CSNK1G3: variants seen among roughly 807,000 people sequenced by gnomAD.
The protein encoded by CSNK1G3 is casein kinase I isoform gamma-3.
Under a neutral mutation model 64.3 loss-of-function variants are expected in CSNK1G3, and 23 were observed. That is an observed-to-expected ratio of 0.36 (90% CI 0.26 to 0.51). The LOEUF is 0.51. Ranked by LOEUF, CSNK1G3 falls within the 20% of genes least tolerant of loss-of-function variation. The pLI is 0.96. For synonymous variants in CSNK1G3, 158 were observed against 162.2 expected (o/e 0.97, Z 0.20); for missense variants, 357 against 510.5 (o/e 0.70, Z 2.90).
intron 10 of CSNK1G3, among the ~76,000 whole-genome samples, chr5:123,596,844 A>G (rs1422940064): frequency 6.6e-6 from 1 of 152,152 alleles, no homozygotes; most frequent in Non-Finnish European, 1.5e-5. Flanking sequence ...TAACTGACAC[A>G]TGATATGATG....
At chr5:123,519,722 G>A (rs4530754) in intron 1 of CSNK1G3, among the ~76,000 whole-genome samples, 91,684 of 151,994 alleles carry the variant, frequency 0.6, 28,932 homozygotes, top group African/African-American at 0.79. Flanking sequence ...GAGAGCAGCA[G>A]AGTTGGTAAG....
At chr5:123,570,419 T>C (rs1443533034) in intron 4 of CSNK1G3, among the ~76,000 whole-genome samples, 1 of 150,466 alleles carries the variant, frequency 6.6e-6, no homozygotes, top group East Asian at 1.9e-4. Flanking sequence ...AGTGGCGCGA[T>C]CTTGGCTCAC....
chr5:123,607,649 G>A (rs976117606), intron 12 of CSNK1G3, among the ~76,000 whole-genome samples: 1 of 152,036 alleles, frequency 6.6e-6, no homozygotes, highest in Non-Finnish European at 1.5e-5. Context: ...ATTAGATAGT[G>A]GTGATAGCTG....
At chr5:123,575,660 C>CT in intron 5 of CSNK1G3, 69 bp from the exon 6 acceptor site, 1 of 885,144 alleles carries the variant, frequency 1.1e-6, no homozygotes, top group African/African-American at 1.7e-5. Flanking sequence ...TCTGTCTTGC[C>CT]TTTATCATAC....
chr5:123,572,958 A>G (rs1284414201), intron 4 of CSNK1G3, among the ~76,000 whole-genome samples: 2 of 152,230 alleles, frequency 1.3e-5, no homozygotes, highest in East Asian at 3.9e-4. Context: ...TGTATAAGCC[A>G]GAGGATGGGA....
chr5:123,522,918 T>C (rs1488515026), intron 1 of CSNK1G3, among the ~76,000 whole-genome samples: 1 of 152,126 alleles, frequency 6.6e-6, no homozygotes, highest in African/African-American at 2.4e-5. Flanking sequence ...TATGGGGAAA[T>C]TTATCAAATA....
At chr5:123,532,115 G>A (rs761930530) in intron 1 of CSNK1G3, among the ~76,000 whole-genome samples, 3 of 151,708 alleles carry the variant, frequency 2.0e-5, no homozygotes, top group Non-Finnish European at 3.0e-5. Context: ...TAATAGTAAG[G>A]TATTTTTAGC....
chr5:123,528,896 A>G (rs1278371638), intron 1 of CSNK1G3, among the ~76,000 whole-genome samples: 4 of 152,212 alleles, frequency 2.6e-5, no homozygotes, highest in Non-Finnish European at 5.9e-5. Flanking sequence ...ACACGTACAT[A>G]CACAGAGTGG....
At chr5:123,530,086 C>CAAA (rs780395896) in intron 1 of CSNK1G3, among the ~76,000 whole-genome samples, 1 of 127,766 alleles carries the variant, frequency 7.8e-6, no homozygotes. Flanking sequence ...GACCCTGTCT[C>CAAA]AAAAAAAAAA....
intron 1 of CSNK1G3, among the ~76,000 whole-genome samples, chr5:123,540,406 TTTCTC>T (rs1393357498): frequency 6.6e-6 from 1 of 152,146 alleles, no homozygotes; most frequent in Non-Finnish European, 1.5e-5. Flanking sequence ...GATTTGCTCT[TTTCTC>T]TAGCTATTTT....
chr5:123,562,983 T>A (rs951677165), intron 4 of CSNK1G3, among the ~76,000 whole-genome samples: 13 of 152,070 alleles, frequency 8.5e-5, no homozygotes, highest in Non-Finnish European at 1.9e-4. Flanking sequence ...ATGGGAAAAT[T>A]GTTTTTGGAG....
At position 123,546,004 on chromosome 5, in the gene CSNK1G3, T is replaced by A. The variant is rs1003581576; in HGVS notation, c.178+163T>A. 1.2e-5 allele frequency: 8 copies of A among 656,708 alleles called. No homozygotes were observed. The African/African-American group carries it at 1.5e-4, about 12-fold the overall frequency. The allele number at this position is 656,708 out of a possible 1,614,324, so 40.7% of individuals were successfully genotyped here. ...AATTTCTTTTGTAGTTGTATTTTCA[T>A]GTGTAAGGAATTCCCTAGTATAGGA... On this transcript the variant is annotated intron_variant, in intron 2 of 12. Coordinates refer to ENST00000345990, the Ensembl canonical transcript of CSNK1G3.
At chr5:123,601,190 G>A (rs1349030457) in intron 10 of CSNK1G3, among the ~76,000 whole-genome samples, 1 of 151,982 alleles carries the variant, frequency 6.6e-6, no homozygotes, top group Non-Finnish European at 1.5e-5. Flanking sequence ...AAATATTTGT[G>A]CATATTTGAT....
At chr5:123,548,767 G>A (rs1783074187) in intron 2 of CSNK1G3, among the ~76,000 whole-genome samples, 1 of 151,816 alleles carries the variant, frequency 6.6e-6, no homozygotes, top group South Asian at 2.1e-4. Flanking sequence ...TAATAAGGAA[G>A]GTGAATTGAT....
intron 1 of CSNK1G3, among the ~76,000 whole-genome samples, chr5:123,527,416 G>A (rs1489771549): frequency 2.0e-5 from 3 of 152,138 alleles, no homozygotes; most frequent in Admixed American, 1.3e-4. Context: ...TATCTCCAGA[G>A]CAGTAGTAGT....
intron 3 of CSNK1G3, among the ~76,000 whole-genome samples, chr5:123,555,264 C>T (rs187443376): frequency 2.0e-5 from 3 of 152,278 alleles, no homozygotes; most frequent in East Asian, 1.9e-4. Context: ...TATCTAGTCA[C>T]GTTCACCTCA....
At chr5:123,570,462 T>C (rs1027029000) in intron 4 of CSNK1G3, among the ~76,000 whole-genome samples, 1 of 151,108 alleles carries the variant, frequency 6.6e-6, no homozygotes, top group African/African-American at 2.4e-5. Flanking sequence ...CAAGCAGTTC[T>C]CCTGCCTCAG....
At chr5:123,594,153 C>G (rs1792970093) in intron 10 of CSNK1G3, among the ~76,000 whole-genome samples, 1 of 152,072 alleles carries the variant, frequency 6.6e-6, no homozygotes. Flanking sequence ...TATAAAGCAG[C>G]TAATTCAGAA....
At chr5:123,576,649 G>T (rs1453805237) in intron 6 of CSNK1G3, among the ~76,000 whole-genome samples, 1 of 151,976 alleles carries the variant, frequency 6.6e-6, no homozygotes, top group African/African-American at 2.4e-5. Flanking sequence ...TATTTTATAG[G>T]ATATCTCCAA....
Sources: allele counts gnomAD v4.1 joint callset (sites outside exome capture counted in the v4.1 genomes callset), GRCh38; gene constraint gnomAD v4.1.1; transcripts MANE v1.5; gene names NCBI Gene and HGNC (gene_info 2026-07-23, HGNC 2026-07-21).